Variants in FAM234A observed in about 807,000 individuals in gnomAD.
FAM234A encodes protein FAM234A.
Under a neutral mutation model 49.1 loss-of-function variants are expected in FAM234A, and 42 were observed. The observed-to-expected ratio is 0.86, with a 90% CI of 0.67 to 1.11. The LOEUF (loss-of-function observed/expected upper bound fraction) is 1.11, where lower values mean the gene tolerates loss of function less well. Among genes scored for constraint, FAM234A ranks in the 50% least tolerant of loss-of-function variants. The pLI is 0.00. For synonymous variants in FAM234A, 369 were observed against 316.2 expected, an observed-to-expected ratio of 1.17 and a Z score of -1.77; for missense variants, 815 against 745.2, an observed-to-expected ratio of 1.09 and a Z score of -1.09.
At chr16:239,273 C>G (rs916441226) in intron 1 of FAM234A, among the ~76,000 whole-genome samples, 1 of 136,886 alleles carries the variant, frequency 7.3e-6, no homozygotes, top group Non-Finnish European at 1.6e-5. Flanking sequence ...ACATTCCAGC[C>G]TGGGCGACAG....
intron 5 of FAM234A, 34 bp from the exon 6 acceptor site, chr16:261,348 CAG>C (rs781487565): frequency 2.5e-6 from 4 of 1,592,942 alleles, no homozygotes; most frequent in Admixed American, 1.7e-5. Context: ...GAAGGGGACT[CAG>C]GGCCACGTTC....
intron 1 of FAM234A, among the ~76,000 whole-genome samples, chr16:244,745 A>G (rs2050745623): frequency 7.1e-6 from 1 of 140,562 alleles, no homozygotes; most frequent in Non-Finnish European, 1.5e-5. Context: ...CTGGAGTGGA[A>G]TGGCACGATC....
At chr16:261,210 G>C in intron 5 of FAM234A, 174 bp from the exon 6 acceptor site, 1 of 677,604 alleles carries the variant, frequency 1.5e-6, no homozygotes, top group African/African-American at 1.8e-5. Context: ...TCCTTCACGA[G>C]CACAGGAGTG....
Position 265,293 on chromosome 16 carries a change from A to G in FAM234A, c.*271A>G. The G allele has an allele frequency of 7.9e-7, 1 of 1,265,974 alleles. No individual in the cohort carries two copies. Among genetic ancestry groups the G allele is most frequent in the Non-Finnish European group, 1.0e-6 (1 of 1,002,664 alleles). 78.4% of individuals were successfully genotyped at this position (1,265,974 alleles called of 1,614,324 possible). ...TGCACCCCACCAGGGTCCCGCTCAC[A>G]CCAGGCAGCCTTCATAGTGGTCTCC... On this transcript the variant is annotated 3_prime_UTR_variant, in exon 13 of 13. Coordinates refer to ENST00000399932, the MANE Select transcript of FAM234A (RefSeq NM_032039.4).
rs1401075425 is a variant in FAM234A at position 254,740 on chromosome 16, C to T, written c.268+59C>T. On this transcript the variant is annotated intron_variant, in intron 3 of 12. Coordinates refer to ENST00000399932, the MANE Select transcript of FAM234A (RefSeq NM_032039.4). ...AAGCAGCTCTTCCCAGGGGATGGGGCGGAGGGGGCAGAACTGTGTCTGCGA... is the reference window on the plus strand; with the variant it reads ...AAGCAGCTCTTCCCAGGGGATGGGGTGGAGGGGGCAGAACTGTGTCTGCGA... 7.1e-6 allele frequency: 11 copies of T among 1,558,716 alleles called. No individual in the cohort carries two copies. In the East Asian group the frequency reaches 1.3e-4, roughly 19 times the overall value.
intron 1 of FAM234A, among the ~76,000 whole-genome samples, chr16:245,151 A>G (rs2141210661): frequency 6.6e-6 from 1 of 152,106 alleles, no homozygotes; most frequent in South Asian, 2.1e-4. Flanking sequence ...GTTTGAGACC[A>G]GCCTGGGCAA....
chr16:266,675 G>T (rs534135892), downstream of FAM234A, among the ~76,000 whole-genome samples: 1 of 152,220 alleles, frequency 6.6e-6, no homozygotes, highest in Non-Finnish European at 1.5e-5. Context: ...GTAGGGGGAC[G>T]TGGGGGATGA....
intron 1 of FAM234A, chr16:240,103 G>A (rs1413608430): frequency 6.6e-6 from 1 of 152,098 alleles, no homozygotes; most frequent in Non-Finnish European, 1.5e-5. Context: ...TTGAATTGCT[G>A]TCAAATGCCC....
In FAM234A at chr16:264,690, T is replaced by C. The variant is rs749772147; in HGVS notation, c.1421T>C (p.Val474Ala). Residue 474 changes from valine (V) to alanine (A), a missense_variant, in exon 12 of 13, where the codon GTC (valine) becomes GCC (alanine). Val to Ala is a moderately conservative substitution (Grantham distance 64). Coordinates refer to ENST00000399932, the MANE Select transcript of FAM234A (RefSeq NM_032039.4). ...LPRVLLELAN[V>A]STHIVAFDAV... Reference sequence around the variant, plus strand: ...CGCGTGCTGCTGGAGCTGGCCAATGTCTCTACCCACATTGTCGCCTTTGAC... The same window carrying C: ...CGCGTGCTGCTGGAGCTGGCCAATGCCTCTACCCACATTGTCGCCTTTGAC... The C allele has an allele frequency of 3.7e-6, 6 of 1,611,906 alleles. No homozygotes were observed. In the Admixed American group the frequency reaches 8.3e-5, roughly 22 times the overall value.
chr16:252,815 C>T (rs1314682426), intron 2 of FAM234A, among the ~76,000 whole-genome samples: 1 of 152,212 alleles, frequency 6.6e-6, no homozygotes, highest in African/African-American at 2.4e-5. Flanking sequence ...CTTCCTGACC[C>T]TTCCCCAGAG....
chr16:263,849 C>A, intron 10 of FAM234A, 74 bp downstream of exon 10: 2 of 1,437,942 alleles, frequency 1.4e-6, no homozygotes, highest in Non-Finnish European at 2.0e-6. Flanking sequence ...GCAGACGGGG[C>A]TGCGGCCCAG....
intron 1 of FAM234A, 86 bp downstream of exon 1, chr16:234,943 G>C (rs1171404739): frequency 6.6e-6 from 1 of 152,370 alleles, no homozygotes; most frequent in Non-Finnish European, 1.5e-5. Context: ...CGGCCCCCAG[G>C]TTCCCCAGTC....
chr16:255,295 C>G (rs1468989899), intron 3 of FAM234A, among the ~76,000 whole-genome samples: 1 of 152,180 alleles, frequency 6.6e-6, no homozygotes, highest in Non-Finnish European at 1.5e-5. Context: ...TGGCCCAATT[C>G]AGTGATTTGT....
downstream of FAM234A, chr16:269,450 C>A (rs2051814781): frequency 3.1e-5 from 49 of 1,593,522 alleles, no homozygotes; most frequent in Non-Finnish European, 4.2e-5. Context: ...ACTGCAGGGC[C>A]CCAGCAGCCC....
downstream of FAM234A, chr16:268,422 T>A: frequency 3.3e-6 from 1 of 301,570 alleles, no homozygotes; most frequent in Non-Finnish European, 6.3e-6. Context: ...GCCGAGAGAG[T>A]TGAAGCTGCA....
At chr16:244,118 G>A (rs924683890) in intron 1 of FAM234A, among the ~76,000 whole-genome samples, 18 of 151,818 alleles carry the variant, frequency 1.2e-4, no homozygotes, top group East Asian at 1.9e-4. Flanking sequence ...ACAGGCACCC[G>A]CCACCACGCC....
chr16:264,130 T>G lies in FAM234A; in HGVS notation c.1303T>G (p.Phe435Val). Reference protein sequence around the residue: ...LPTADHRSAFFFWGLHELGST... With the variant: ...LPTADHRSAFVFWGLHELGST... ...GACCGCAGACCACCGCTCAGCCTTC[T>G]TCTTCTGGGGCCTCCACGAGCTGGG... Residue 435 changes from phenylalanine (F) to valine (V), a missense_variant, in exon 11 of 13, where the codon TTC becomes GTC. By Grantham distance (50) the Phe-to-Val change is conservative. Transcript: ENST00000399932. 1 of 1,609,660 alleles carries G rather than the reference T, an allele frequency of 6.2e-7. No individual in the cohort carries two copies. The highest frequency in any genetic ancestry group is 8.5e-7 in the Non-Finnish European group (1 of 1,179,704).
downstream of FAM234A, chr16:268,448 A>G (rs1019948459): frequency 4.8e-6 from 2 of 418,770 alleles, no homozygotes; most frequent in African/African-American, 4.0e-5. Context: ...GAAAGGAGCC[A>G]GCTGTACCTT....
chr16:259,300 T>C (rs2051361518), intron 3 of FAM234A, among the ~76,000 whole-genome samples, 183 bp from the exon 4 acceptor site: 1 of 152,102 alleles, frequency 6.6e-6, no homozygotes, highest in East Asian at 1.9e-4. Context: ...CTAGGCATTG[T>C]TGCCCACCCC....
Sources: gnomAD v4.1 joint callset for allele counts (sites outside exome capture counted in the v4.1 genomes callset) on GRCh38, gnomAD v4.1.1 for gene constraint, MANE v1.5 for transcripts, NCBI Gene and HGNC (gene_info 2026-07-23, HGNC 2026-07-21) for gene names.